The following HRH1 variants were observed in gnomAD, a reference collection of about 807,000 sequenced individuals.
HRH1 encodes the protein histamine receptor H1, also known as histamine H1 receptor.
In HRH1, 6 loss-of-function variants were observed where a neutral mutation model predicts 10.3. That is an observed-to-expected ratio of 0.58 (90% CI 0.32 to 1.15). The LOEUF (loss-of-function observed/expected upper bound fraction) is 1.15. Ranked by LOEUF, HRH1 falls within the 50% of genes most tolerant of loss-of-function variation. HRH1 has a pLI of 0.05. For synonymous variants in HRH1, 242 were observed against 236.7 expected (o/e 1.02, Z -0.21); for missense variants, 514 against 615.3 (o/e 0.84, Z 1.74).
At chr3:11,154,320 T>A (rs1295234450), upstream of HRH1, among the ~76,000 whole-genome samples, 5 of 151,386 alleles carry the variant, frequency 3.3e-5, no homozygotes, top group East Asian at 5.9e-4. The surrounding 1 kb of genome is among the most constrained non-coding windows in gnomAD (Gnocchi z 4.4). Context: ...TCGCGCCCCC[T>A]CTCTCCGCGG....
chr3:11,177,955 G>A (rs1287567208), intron 1 of HRH1, among the ~76,000 whole-genome samples: 4 of 152,150 alleles, frequency 2.6e-5, no homozygotes, highest in African/African-American at 4.8e-5. Flanking sequence ...ATTTGTCCAA[G>A]AGTTCCATCG....
At chr3:11,198,254 C>T (rs902950290) in intron 1 of HRH1, among the ~76,000 whole-genome samples, 2 of 152,092 alleles carry the variant, frequency 1.3e-5, no homozygotes, top group African/African-American at 4.8e-5. Flanking sequence ...CTGCTCATTC[C>T]CCTGAGTGTC....
chr3:11,190,350 A>AATAT (rs58649558), intron 1 of HRH1, among the ~76,000 whole-genome samples: 6 of 147,820 alleles, frequency 4.1e-5, no homozygotes, highest in South Asian at 2.1e-4. Context: ...TGTCTCTAGT[A>AATAT]ATATATATAT....
intron 1 of HRH1, among the ~76,000 whole-genome samples, chr3:11,224,043 T>G (rs1444632615): frequency 6.6e-6 from 1 of 152,120 alleles, no homozygotes; most frequent in African/African-American, 2.4e-5. Context: ...ACCCCAAATA[T>G]GATTGAGGCC....
In HRH1 at chr3:11,260,153, C is replaced by A; in HGVS notation, c.1116C>A (p.Gly372=). The part of the protein sequence containing the change: ...DSDTTTETAP[G]KGKLRSGSNT... ...ATACCACCACAGAGACAGCACCAGGCAAAGGCAAATTGAGGAGTGGGTCTA... is the reference window on the plus strand; with the variant it reads ...ATACCACCACAGAGACAGCACCAGGAAAAGGCAAATTGAGGAGTGGGTCTA... Residue 372 remains glycine (G), a synonymous_variant, in exon 2 of 2, where the codon GGC becomes GGA. Transcript: ENST00000431010. The A allele has an allele frequency of 1.2e-6, 2 of 1,614,044 alleles. No homozygotes were observed. Among genetic ancestry groups the A allele is most frequent in the Admixed American group, 1.7e-5 (1 of 60,012 alleles).
At chr3:11,190,376 A>T (rs9822646) in intron 1 of HRH1, among the ~76,000 whole-genome samples, 116,141 of 150,116 alleles carry the variant, frequency 0.77, 45,182 homozygotes, top group East Asian at 0.95. Context: ...TTTTTTAATT[A>T]ATTAATTTAT....
chr3:11,198,253 C>T (rs189949654), intron 1 of HRH1, among the ~76,000 whole-genome samples: 1 of 152,228 alleles, frequency 6.6e-6, no homozygotes, highest in East Asian at 1.9e-4. Flanking sequence ...CCTGCTCATT[C>T]CCCTGAGTGT....
At chr3:11,160,025 G>A (rs1936893828) in intron 1 of HRH1, among the ~76,000 whole-genome samples, 1 of 152,230 alleles carries the variant, frequency 6.6e-6, no homozygotes. Flanking sequence ...AGCCTAGGGT[G>A]AAACCTTAAT....
At chr3:11,240,826 C>A (rs544454427) in intron 1 of HRH1, among the ~76,000 whole-genome samples, 3 of 152,230 alleles carry the variant, frequency 2.0e-5, no homozygotes, top group South Asian at 2.1e-4. Context: ...CACCCTCATG[C>A]ATGACACCTC....
intron 1 of HRH1, among the ~76,000 whole-genome samples, chr3:11,198,761 C>T (rs1937776104): frequency 6.6e-6 from 1 of 150,436 alleles, no homozygotes; most frequent in African/African-American, 2.5e-5. Flanking sequence ...AATGGGCGGA[C>T]TGTTTGAGCT....
chr3:11,239,459 A>T (rs991405969), intron 1 of HRH1, among the ~76,000 whole-genome samples: 8 of 152,184 alleles, frequency 5.3e-5, no homozygotes, highest in African/African-American at 1.9e-4. Flanking sequence ...ATTTTCTTCC[A>T]TTCCATAGCT....
At chr3:11,199,237 G>T (rs1378424009) in intron 1 of HRH1, among the ~76,000 whole-genome samples, 1 of 152,058 alleles carries the variant, frequency 6.6e-6, no homozygotes, top group Non-Finnish European at 1.5e-5. Flanking sequence ...AATAGTTCAG[G>T]GATAGAGAGG....
In HRH1 at chr3:11,214,352, G is replaced by T. The variant is rs1938422841; in HGVS notation, c.-35-44651G>T. ...TTTGTTGGCAAGTCACAGCCTTCCT[G>T]AAGAGAGGCAGAAGTTATTAGTTGT... On this transcript the variant is annotated intron_variant, in intron 1 of 1. Transcript: ENST00000431010. 2.0e-5 allele frequency among the ~76,000 whole-genome samples: 3 copies of T among 152,322 alleles called. No homozygotes were observed. The South Asian group carries it at 6.2e-4, about 32-fold the overall frequency.
At chr3:11,194,876 A>G (rs1392744158) in intron 1 of HRH1, among the ~76,000 whole-genome samples, 1 of 152,244 alleles carries the variant, frequency 6.6e-6, no homozygotes, top group Non-Finnish European at 1.5e-5. Context: ...CCTGAGCATT[A>G]AAAGCTGTGA....
chr3:11,224,829 G>C (rs1190857778), intron 1 of HRH1, among the ~76,000 whole-genome samples: 4 of 152,176 alleles, frequency 2.6e-5, no homozygotes, highest in Non-Finnish European at 5.9e-5. Flanking sequence ...AAATGGGGGT[G>C]ATAATTACAG....
chr3:11,222,778 T>C (rs1362344389), intron 1 of HRH1, among the ~76,000 whole-genome samples: 1 of 152,100 alleles, frequency 6.6e-6, no homozygotes, highest in Non-Finnish European at 1.5e-5. Flanking sequence ...AAGACAACAC[T>C]ACACCCTCCC....
chr3:11,175,399 G>T (rs1042836422), intron 1 of HRH1, among the ~76,000 whole-genome samples: 7 of 152,152 alleles, frequency 4.6e-5, no homozygotes, highest in Non-Finnish European at 1.0e-4. Context: ...CTATATCCCA[G>T]GGGAAATGGG....
intron 1 of HRH1, among the ~76,000 whole-genome samples, chr3:11,247,921 A>G (rs1046316575): frequency 8.5e-5 from 13 of 152,218 alleles, no homozygotes; most frequent in African/African-American, 3.1e-4. Context: ...GAGCACACCT[A>G]TAACGATTAT....
rs1937402067 is a variant in HRH1 at position 11,183,780 on chromosome 3, C to T, written c.-36+29226C>T. ...TCGCCCAGGCTGGAGTGCAGTGGTG[C>T]GATCTCGGCTCACTGCAAGCTTAGG... On this transcript the variant is annotated intron_variant, in intron 1 of 1. Coordinates refer to ENST00000431010, the MANE Select transcript of HRH1 (RefSeq NM_001098212.2). Among the ~76,000 whole-genome samples the T allele has an allele frequency of 2.0e-5, 3 of 147,882 alleles. No homozygotes were observed. The South Asian group carries it at 6.5e-4, about 32-fold the overall frequency.
Sources: allele counts gnomAD v4.1 joint callset (sites outside exome capture counted in the v4.1 genomes callset), GRCh38; gene constraint gnomAD v4.1.1; non-coding constraint Gnocchi (gnomAD v3.1); transcripts MANE v1.5; gene names NCBI Gene and HGNC (gene_info 2026-07-23, HGNC 2026-07-21).